Variants in GRIK4 observed in about 807,000 individuals in gnomAD.
GRIK4 encodes glutamate ionotropic receptor kainate type subunit 4.
A neutral mutation model predicts 104.9 loss-of-function variants in GRIK4; 40 were observed. That is an observed-to-expected ratio of 0.38 (90% CI 0.30 to 0.50). The LOEUF (loss-of-function observed/expected upper bound fraction) is 0.50. GRIK4 is among the 20% of genes least tolerant of loss of function. The pLI is 0.93. For synonymous variants in GRIK4, 485 were observed against 524.9 expected (o/e 0.92, Z 1.04); for missense variants, 1,047 against 1,308.1 (o/e 0.80, Z 3.08).
chr11:120,797,142 T>C (rs562588169), intron 3 of GRIK4, among the ~76,000 whole-genome samples: 2 of 152,234 alleles, frequency 1.3e-5, no homozygotes, highest in East Asian at 3.9e-4. Context: ...CAGTGTGCAC[T>C]GAGGCCCCAT....
chr11:120,589,072 A>G (rs1230749257), intron 1 of GRIK4, among the ~76,000 whole-genome samples: 2 of 152,178 alleles, frequency 1.3e-5, no homozygotes, highest in African/African-American at 4.8e-5. Flanking sequence ...TCAGGATGGA[A>G]CTACCTTCTC....
chr11:120,597,822 G>A (rs1360462794), intron 1 of GRIK4, among the ~76,000 whole-genome samples: 1 of 152,176 alleles, frequency 6.6e-6, no homozygotes, highest in African/African-American at 2.4e-5. Context: ...TCTCCCCAAA[G>A]TTGTTCTCCA....
intron 15 of GRIK4, among the ~76,000 whole-genome samples, chr11:120,955,955 C>T (rs1944137187): frequency 6.6e-6 from 1 of 152,104 alleles, no homozygotes; most frequent in Admixed American, 6.5e-5. Context: ...AATTCTTAGG[C>T]CTCACCCCAG....
chr11:120,940,285 C>G lies in GRIK4; in HGVS notation c.1477-62C>G. On this transcript the variant is annotated intron_variant, in intron 13 of 20. Coordinates refer to ENST00000527524, the MANE Select transcript of GRIK4 (RefSeq NM_014619.5). The surrounding 1 kb of genome is among the most constrained non-coding windows in gnomAD (Gnocchi z 4.3). ...CAATAGCAGTGACGGTTGCTGGTCG[C>G]AAGTCTCTGTGCCTCTTCTCCTATG... The G allele has an allele frequency of 1.0e-6, 1 of 1,004,402 alleles. No individual in the cohort carries two copies. The highest frequency in any genetic ancestry group is 1.6e-6 in the Non-Finnish European group (1 of 641,382). The allele number at this position is 1,004,402 out of a possible 1,614,324, so 62.2% of individuals were successfully genotyped here. A position where few individuals can be genotyped will look rare whatever the true frequency, so the allele number is the denominator to read the frequency against.
In GRIK4 at chr11:120,961,022, C is replaced by T; in HGVS notation, c.1988C>T (p.Thr663Ile). The T allele has an allele frequency of 3.1e-6, 5 of 1,614,072 alleles. No individual in the cohort carries two copies. The highest frequency in any genetic ancestry group is 4.2e-6 in the Non-Finnish European group (5 of 1,179,924). Reference protein sequence around the residue: ...IESVDDLADQTAIEYGTIHGG... With the variant: ...IESVDDLADQIAIEYGTIHGG... ...TCAGTGGATGACCTGGCTGACCAGA[C>T]CGCCATTGAATATGGCACAATTCAC... The change falls in exon 17 of 21, where the codon ACC (threonine) becomes ATC (isoleucine). Residue 663 changes from threonine (T) to isoleucine (I), a missense_variant. By Grantham distance (89) the Thr-to-Ile change is moderately conservative. This residue lies in a region of GRIK4 where 440 missense variants were observed against 652.3 expected (regional missense o/e 0.67). Coordinates refer to ENST00000527524, the MANE Select transcript of GRIK4 (RefSeq NM_014619.5).
intron 1 of GRIK4, among the ~76,000 whole-genome samples, chr11:120,648,963 C>A (rs1219866035): frequency 6.6e-6 from 1 of 152,188 alleles, no homozygotes; most frequent in Non-Finnish European, 1.5e-5. Flanking sequence ...CAGTCAGCAG[C>A]CAGTTTCTCC....
chr11:120,947,401 C>CAA lies in GRIK4; in HGVS notation c.1591-5439_1591-5438dup, dbSNP rs34759788. On this transcript the variant is annotated intron_variant, in intron 14 of 20. Coordinates refer to ENST00000527524, the MANE Select transcript of GRIK4 (RefSeq NM_014619.5). Reference sequence around the variant, plus strand: ...TGGGCAACAGAGTGAGACTCTGTCTCAAAAAAAAAAAAAAAAGTGATGGAG... The same window carrying CAA: ...TGGGCAACAGAGTGAGACTCTGTCTCAAAAAAAAAAAAAAAAAAGTGATGGAG... Among the ~76,000 whole-genome samples the CAA allele has an allele frequency of 7.6e-3, 937 of 124,072 alleles. 6 individuals are homozygous for CAA. The highest frequency in any genetic ancestry group is 0.012 in the Non-Finnish European group (679 of 58,740). The allele number at this position is 124,072 out of a possible 152,430, so 81.4% of individuals were successfully genotyped here. A position where few individuals can be genotyped will look rare whatever the true frequency, so the allele number is the denominator to read the frequency against.
intron 1 of GRIK4, chr11:120,515,153 G>T (rs1323469990): frequency 2.4e-6 from 1 of 420,982 alleles, no homozygotes; most frequent in Non-Finnish European, 4.8e-6. Flanking sequence ...CCCTGGCACT[G>T]TGTGTCCTCA....
In GRIK4 at chr11:120,902,161, G is replaced by T. The variant is rs376411528; in HGVS notation, c.1273-3129G>T. The stretch of plus-strand genomic sequence containing the variant: ...CCCCGCTCTGGTCAGGGCACACTTG[G>T]GGACGTGTGGATGGTTTATTGGTTA... On this transcript the variant is annotated intron_variant, in intron 12 of 20. Coordinates refer to ENST00000527524, the MANE Select transcript of GRIK4 (RefSeq NM_014619.5). The surrounding 1 kb of genome is among the most constrained non-coding windows in gnomAD (Gnocchi z 4.5). Among the ~76,000 whole-genome samples the T allele has an allele frequency of 3.3e-5, 5 of 152,232 alleles. No individual in the cohort carries two copies. Among genetic ancestry groups the T allele is most frequent in the South Asian group, 2.1e-4 (1 of 4,824 alleles).
intron 16 of GRIK4, among the ~76,000 whole-genome samples, chr11:120,957,625 G>GTGTGTGTGTGTGTGTGTGTGTA (rs375508071): frequency 0.044 from 6,367 of 144,110 alleles, 194 homozygotes; most frequent in East Asian, 0.072. Context: ...GTGTGTGTGT[G>GTGTGTGTGTGTGTGTGTGTGTA]TAGCCTAGAG....
intron 1 of GRIK4, among the ~76,000 whole-genome samples, chr11:120,519,879 T>G (rs1443565961): frequency 2.0e-5 from 2 of 99,264 alleles, no homozygotes; most frequent in South Asian, 4.2e-4. Context: ...TTTTTTTTTT[T>G]GTTTTTTTTT....
chr11:120,881,879 G>A (rs2135705540), intron 11 of GRIK4, among the ~76,000 whole-genome samples: 1 of 152,258 alleles, frequency 6.6e-6, no homozygotes, highest in East Asian at 1.9e-4. Flanking sequence ...GTGGCCCTGT[G>A]CAGCTGAGAA....
At chr11:120,663,331 G>A (rs1949851216) in intron 3 of GRIK4, among the ~76,000 whole-genome samples, 1 of 152,226 alleles carries the variant, frequency 6.6e-6, no homozygotes, top group Admixed American at 6.5e-5. Context: ...ACAGCAGGCA[G>A]TGGTTTGGCC....
chr11:120,940,394 G>A lies in GRIK4; in HGVS notation c.1524G>A (p.Glu508=), dbSNP rs1363591652. Reference sequence around the variant, plus strand: ...GCCTCACCATTACAGCTGAACGGGAGAAGGTGATTGATTTCTCTAAGCCAT... The same window carrying A: ...GCCTCACCATTACAGCTGAACGGGAAAAGGTGATTGATTTCTCTAAGCCAT... ...VAGLTITAER[E]KVIDFSKPFM... Residue 508 remains glutamate (E), a synonymous_variant, in exon 14 of 21, where the codon GAG becomes GAA. Transcript: ENST00000527524. The surrounding 1 kb of genome is among the most constrained non-coding windows in gnomAD (Gnocchi z 4.3). 6.2e-7 allele frequency: 1 copy of A among 1,613,934 alleles called. No individual in the cohort carries two copies. Among genetic ancestry groups the A allele is most frequent in the Admixed American group, 1.7e-5 (1 of 60,024 alleles).
intron 3 of GRIK4, among the ~76,000 whole-genome samples, chr11:120,684,811 C>T (rs922716371): frequency 9.2e-5 from 14 of 152,270 alleles, no homozygotes; most frequent in East Asian, 5.8e-4. Flanking sequence ...CCCGGCTTCA[C>T]GCCATTATCC....
At chr11:120,588,893 A>G (rs1465853052) in intron 1 of GRIK4, among the ~76,000 whole-genome samples, 3 of 152,138 alleles carry the variant, frequency 2.0e-5, no homozygotes, top group Non-Finnish European at 4.4e-5. Flanking sequence ...AACTGTCGGT[A>G]TAGGGGGTAG....
At position 120,952,617 on chromosome 11, in the gene GRIK4, T is replaced by G. The variant is rs1591323696; in HGVS notation, c.1591-238T>G. Among the ~76,000 whole-genome samples, 1 of 152,060 alleles carries G rather than the reference T, an allele frequency of 6.6e-6. No individual in the cohort carries two copies. Among genetic ancestry groups the G allele is most frequent in the East Asian group, 1.9e-4 (1 of 5,160 alleles). On this transcript the variant is annotated intron_variant, in intron 14 of 20. Transcript: ENST00000527524. This position sits in a 1 kb window ranked among gnomAD's most constrained non-coding sequence, Gnocchi z 5.2. The stretch of plus-strand genomic sequence containing the variant: ...ACAAAGCCTGCCTCACCCCAGGGAG[T>G]GGCATGGCCCCTGCTGCTGTTCTGT...
chr11:120,621,816 A>G (rs948049406), intron 1 of GRIK4, among the ~76,000 whole-genome samples: 3 of 152,148 alleles, frequency 2.0e-5, no homozygotes, highest in African/African-American at 7.2e-5. Context: ...CGGCAGTACA[A>G]GGGGGTCTTT....
At chr11:120,730,310 A>G (rs886619297) in intron 3 of GRIK4, among the ~76,000 whole-genome samples, 1 of 152,156 alleles carries the variant, frequency 6.6e-6, no homozygotes, top group Non-Finnish European at 1.5e-5. Flanking sequence ...GTGAGGTGCA[A>G]TTGCGCCACT....
Sources: gnomAD v4.1 joint callset for allele counts (sites outside exome capture counted in the v4.1 genomes callset) on GRCh38, gnomAD v4.1.1 for gene constraint, gnomAD v4.1.1 regional missense constraint, Gnocchi (gnomAD v3.1) non-coding constraint, MANE v1.5 for transcripts, NCBI Gene and HGNC (gene_info 2026-07-23, HGNC 2026-07-21) for gene names.